The following TMEM97 variants were observed in gnomAD, a reference collection of about 807,000 sequenced individuals.
TMEM97 encodes transmembrane protein 97.
TMEM97 carries 13 observed loss-of-function variants against 18.3 expected under a neutral mutation model. The ratio of observed to expected loss-of-function variants is 0.71; its 90% CI spans 0.46 to 1.13. The LOEUF is 1.13. Among genes scored for constraint, TMEM97 ranks in the 50% most tolerant of loss-of-function variants. The probability of loss-of-function intolerance (pLI) is 0.00; values close to 1 mark genes in which losing one functional copy is unlikely to be tolerated. For synonymous variants in TMEM97, 76 were observed against 85.3 expected, an observed-to-expected ratio of 0.89 and a Z score of 0.60; for missense variants, 205 against 210.5, an observed-to-expected ratio of 0.97 and a Z score of 0.16.
At position 28,326,756 on chromosome 17, in the gene TMEM97, C is replaced by T. The variant is rs1906365222; in HGVS notation, c.494C>T (p.Pro165Leu). ...CTTTTAATTTTCATGTTGCGGAGCC[C>T]CTACTACAAGTATGAAGAGAAAAGA... ...FILLIFMLRS[P>L]YYKYEEKRKK... Residue 165 changes from proline to leucine, a missense_variant, in exon 3 of 3, where the codon CCC (proline) becomes CTC (leucine). Physicochemically the swap from Pro to Leu is moderately conservative, Grantham distance 98. Transcript: ENST00000226230. 2 of 1,613,838 alleles carry T rather than the reference C, an allele frequency of 1.2e-6. No individual in the cohort carries two copies. The highest frequency in any genetic ancestry group is 1.3e-5 in the African/African-American group (1 of 74,934).
Position 28,326,764 on chromosome 17 carries a change from A to G in TMEM97, c.502A>G (p.Lys168Glu). The G allele has an allele frequency of 6.2e-7, 1 of 1,613,260 alleles. No individual in the cohort carries two copies. Among genetic ancestry groups the G allele is most frequent in the Non-Finnish European group, 8.5e-7 (1 of 1,179,886 alleles). The change falls in exon 3 of 3, where the codon AAG (lysine) becomes GAG (glutamate). Residue 168 changes from lysine to glutamate, a missense_variant. Coordinates refer to ENST00000226230, the MANE Select transcript of TMEM97 (RefSeq NM_014573.3). ...LIFMLRSPYY[K>E]YEEKRKKK ...TTTCATGTTGCGGAGCCCCTACTAC[A>G]AGTATGAAGAGAAAAGAAAAAAAAA... is the stretch of plus-strand genomic sequence containing the variant.
intron 1 of TMEM97, among the ~76,000 whole-genome samples, chr17:28,322,243 C>CTT (rs367769241): frequency 2.1e-5 from 3 of 142,886 alleles, no homozygotes; most frequent in African/African-American, 5.1e-5. Context: ...GTTTTTCTTT[C>CTT]TTTTTTTTTT....
chr17:28,319,230 C>A lies in TMEM97; in HGVS notation c.-10C>A. 1 of 1,600,612 alleles carries A rather than the reference C, an allele frequency of 6.2e-7. No individual in the cohort carries two copies. On this transcript the variant is annotated 5_prime_UTR_variant, in exon 1 of 3. Transcript: ENST00000226230. ...CTCACATCAGCGGGTCCAGGCCCAA[C>A]CGACAGACTATGGGGGCTCCGGCAA...
intron 1 of TMEM97, 21 bp from the exon 2 acceptor site, chr17:28,325,482 C>T (rs782815718): frequency 3.7e-6 from 6 of 1,611,860 alleles, no homozygotes; most frequent in African/African-American, 1.3e-5. Context: ...TGTAATTCAT[C>T]ATGATCGTTT....
chr17:28,326,387 G>A, intron 2 of TMEM97, 147 bp from the exon 3 acceptor site: 2 of 895,058 alleles, frequency 2.2e-6, no homozygotes, highest in Admixed American at 2.5e-5. Flanking sequence ...ATGTTGGGCA[G>A]TGTGGCACAT....
At chr17:28,323,275 G>C (rs1463263970) in intron 1 of TMEM97, among the ~76,000 whole-genome samples, 1 of 152,066 alleles carries the variant, frequency 6.6e-6, no homozygotes, top group Non-Finnish European at 1.5e-5. Context: ...TACGACATCT[G>C]GGTGATTGTT....
At position 28,327,729 on chromosome 17, in the gene TMEM97, G is replaced by A. The variant is rs191616621; in HGVS notation, c.*936G>A. ...CCCAACAATGACTTTCAGTCAAATG[G>A]ATTAAACTGGAAAATGTTTTTGTTT... On this transcript the variant is annotated 3_prime_UTR_variant, in exon 3 of 3. Transcript: ENST00000226230. The A allele has an allele frequency of 6.6e-6, 1 of 152,336 alleles. No homozygotes were observed. Among genetic ancestry groups the A allele is most frequent in the Admixed American group, 6.5e-5 (1 of 15,306 alleles). 9.4% of individuals were successfully genotyped at this position (152,336 alleles called of 1,614,324 possible).
At chr17:28,325,849 C>A in intron 2 of TMEM97, 2 of 663,678 alleles carry the variant, frequency 3.0e-6, no homozygotes, top group East Asian at 5.6e-5. Flanking sequence ...CAGGCCTGCA[C>A]GGCTGCCTCA....
rs1555575531 is a variant in TMEM97, at chr17:28,326,718, C to T, written c.456C>T (p.Leu152=). Residue 152 remains leucine, a synonymous_variant, in exon 3 of 3, where the codon CTC becomes CTT. Transcript: ENST00000226230. ...TLVSVYAPYL[L]IPFILLIFML... is the part of the protein sequence containing the mutation. ...TGTCTGTCTATGCCCCCTACTTACTCATCCCATTCATACTTTTAATTTTCA... is the reference window on the plus strand; with the variant it reads ...TGTCTGTCTATGCCCCCTACTTACTTATCCCATTCATACTTTTAATTTTCA... 2.5e-6 allele frequency: 4 copies of T among 1,614,088 alleles called. No individual in the cohort carries two copies. The South Asian group carries it at 4.4e-5, about 18-fold the overall frequency.
At position 28,327,979 on chromosome 17, in the gene TMEM97, AGAG is replaced by A. The variant is rs1906436329; in HGVS notation, c.*1187_*1189del. 1 of 152,606 alleles carries A rather than the reference AGAG, an allele frequency of 6.6e-6. No individual in the cohort carries two copies. The allele number at this position is 152,606 out of a possible 1,614,324, so 9.5% of individuals were successfully genotyped here. On this transcript the variant is annotated 3_prime_UTR_variant, in exon 3 of 3. Coordinates refer to ENST00000226230, the MANE Select transcript of TMEM97 (RefSeq NM_014573.3). ...CCGTCATTCCCATCTTGTTTTCAGAAGAGAAGGTGGCTACAGCCAGGCATAACA... is the reference window on the plus strand; with the variant it reads ...CCGTCATTCCCATCTTGTTTTCAGAAAAGGTGGCTACAGCCAGGCATAACA...
Position 28,326,753 on chromosome 17 carries a change from G to GC in TMEM97, c.495dup (p.Tyr166LeufsTer5). Reference sequence around the variant, plus strand: ...ATACTTTTAATTTTCATGTTGCGGAGCCCCTACTACAAGTATGAAGAGAAA... The same window carrying GC: ...ATACTTTTAATTTTCATGTTGCGGAGCCCCCTACTACAAGTATGAAGAGAAA... On this transcript the variant is annotated frameshift_variant, in exon 3 of 3. Transcript: ENST00000226230. LOFTEE classifies it high-confidence loss of function. 1 of 1,613,778 alleles carries GC rather than the reference G, an allele frequency of 6.2e-7. No homozygotes were observed. Among genetic ancestry groups the GC allele is most frequent in the Non-Finnish European group, 8.5e-7 (1 of 1,179,994 alleles).
In TMEM97 at chr17:28,326,960, T is replaced by A; in HGVS notation, c.*167T>A. 1 of 855,942 alleles carries A rather than the reference T, an allele frequency of 1.2e-6. No individual in the cohort carries two copies. The highest frequency in any genetic ancestry group is 1.7e-6 in the Non-Finnish European group (1 of 571,572). 53.0% of individuals were successfully genotyped at this position (855,942 alleles called of 1,614,324 possible). A position where few individuals can be genotyped will look rare whatever the true frequency, so the allele number is the denominator to read the frequency against. ...GGAACCATGTCAAACCCTCACCTTC[T>A]TCCATTTTTTTTTTTTTTTTAAGAC... On this transcript the variant is annotated 3_prime_UTR_variant, in exon 3 of 3. Coordinates refer to ENST00000226230, the MANE Select transcript of TMEM97 (RefSeq NM_014573.3).
At chr17:28,326,353 C>T (rs781937201) in intron 2 of TMEM97, among the ~76,000 whole-genome samples, 181 bp from the exon 3 acceptor site, 10 of 152,150 alleles carry the variant, frequency 6.6e-5, no homozygotes, top group Non-Finnish European at 1.5e-4. Context: ...GGCGAGCTGT[C>T]GGTGAGCTGT....
chr17:28,322,227 C>T lies in TMEM97; in HGVS notation c.126+2862C>T, dbSNP rs544849465. On this transcript the variant is annotated intron_variant, in intron 1 of 2. Coordinates refer to ENST00000226230, the MANE Select transcript of TMEM97 (RefSeq NM_014573.3). ...TTGGAAAAACTCATTTTTTTATTTA[C>T]TTTTTGTTTTTCTTTCTTTTTTTTT... 4.0e-5 allele frequency among the ~76,000 whole-genome samples: 6 copies of T among 151,058 alleles called. No homozygotes were observed. In the South Asian group the frequency reaches 1.3e-3, roughly 32 times the overall value.
Position 28,328,411 on chromosome 17 carries a change from G to A in TMEM97, c.*1618G>A, listed in dbSNP as rs782750781. Reference sequence around the variant, plus strand: ...AGGATGAAAGTTTACAAACTGCTTAGTTCCAACTAAGCATAAGAGGTGAGA... The same window carrying A: ...AGGATGAAAGTTTACAAACTGCTTAATTCCAACTAAGCATAAGAGGTGAGA... On this transcript the variant is annotated 3_prime_UTR_variant, in exon 3 of 3. Transcript: ENST00000226230. The A allele has an allele frequency of 7.0e-6, 3 of 431,464 alleles. No individual in the cohort carries two copies. The highest frequency in any genetic ancestry group is 2.1e-5 in the African/African-American group (1 of 48,394). 26.7% of individuals were successfully genotyped at this position (431,464 alleles called of 1,614,324 possible). A position where few individuals can be genotyped will look rare whatever the true frequency, so the allele number is the denominator to read the frequency against.
In TMEM97 at chr17:28,327,789, T is replaced by G. The variant is rs1321234093; in HGVS notation, c.*996T>G. 2 of 152,262 alleles carry G rather than the reference T, an allele frequency of 1.3e-5. No homozygotes were observed. Among genetic ancestry groups the G allele is most frequent in the African/African-American group, 2.4e-5 (1 of 41,470 alleles). 9.4% of individuals were successfully genotyped at this position (152,262 alleles called of 1,614,324 possible). A position where few individuals can be genotyped will look rare whatever the true frequency, so the allele number is the denominator to read the frequency against. ...ACAGATCATCCTAGGCGAAAGTTTTTTTTGTTTGTTTGCTTTTAAATTAGT... is the reference window on the plus strand; with the variant it reads ...ACAGATCATCCTAGGCGAAAGTTTTGTTTGTTTGTTTGCTTTTAAATTAGT... On this transcript the variant is annotated 3_prime_UTR_variant, in exon 3 of 3. Transcript: ENST00000226230.
chr17:28,321,800 C>CTGTGTG (rs538038865), intron 1 of TMEM97, among the ~76,000 whole-genome samples: 8,974 of 131,902 alleles, frequency 0.068, 164 homozygotes, highest in Non-Finnish European at 0.076. Flanking sequence ...TGGCCAGAAC[C>CTGTGTG]TGTGTGTGTG....
intron 1 of TMEM97, among the ~76,000 whole-genome samples, chr17:28,321,098 C>T (rs1399478957): frequency 1.3e-5 from 2 of 152,142 alleles, no homozygotes; most frequent in African/African-American, 4.8e-5. Flanking sequence ...TCCCAAAGAC[C>T]GAAGAGGTCA....
intron 1 of TMEM97, chr17:28,319,710 T>G (rs1597776417): frequency 4.9e-6 from 1 of 203,520 alleles, no homozygotes; most frequent in African/African-American, 2.3e-5. Flanking sequence ...TAGGTTTGCT[T>G]TAAGCTTCTG....
Sources: gnomAD v4.1 joint callset for allele counts (sites outside exome capture counted in the v4.1 genomes callset) on GRCh38, gnomAD v4.1.1 for gene constraint, MANE v1.5 for transcripts, NCBI Gene and HGNC (gene_info 2026-07-23, HGNC 2026-07-21) for gene names.